PCDHA1: variants seen among roughly 807,000 people sequenced by gnomAD.
PCDHA1 encodes protocadherin alpha 1, also known as protocadherin alpha-1.
In PCDHA1, 42 loss-of-function variants were observed where a neutral mutation model predicts 61.3. The ratio of observed to expected loss-of-function variants is 0.69; its 90% confidence interval spans 0.54 to 0.89. PCDHA1 has a LOEUF of 0.89. Among genes scored for constraint, PCDHA1 ranks in the 40% least tolerant of loss-of-function variants. PCDHA1 has a pLI of 0.00. For synonymous variants in PCDHA1, 610 were observed against 553.8 expected (o/e 1.10, Z -1.43); for missense variants, 1,256 against 1,235.3 (o/e 1.02, Z -0.25).
intron 1 of PCDHA1, chr5:140,809,130 T>C (rs1562222868): frequency 6.2e-7 from 1 of 1,614,014 alleles, no homozygotes; most frequent in Non-Finnish European, 8.5e-7. Context: ...CACCGCCTAC[T>C]GGTACTGGTG....
chr5:140,890,737 T>C (rs926717911), intron 1 of PCDHA1, among the ~76,000 whole-genome samples: 1 of 152,240 alleles, frequency 6.6e-6, no homozygotes. Flanking sequence ...TTGACTTATA[T>C]ACTATTTCTG....
At chr5:140,804,837 C>T (rs113821357) in intron 1 of PCDHA1, 9,273 of 420,938 alleles carry the variant, frequency 0.022, 130 homozygotes, top group Non-Finnish European at 0.029. Context: ...TACTCATTGA[C>T]AGTGTGGGAG....
intron 1 of PCDHA1, chr5:140,928,983 G>T: frequency 6.2e-7 from 1 of 1,613,838 alleles, no homozygotes; most frequent in Non-Finnish European, 8.5e-7. Flanking sequence ...TATTTCTGGG[G>T]TGCTTACTTT....
chr5:140,965,748 C>T (rs1010303564), intron 1 of PCDHA1, among the ~76,000 whole-genome samples: 1 of 152,174 alleles, frequency 6.6e-6, no homozygotes, highest in Non-Finnish European at 1.5e-5. Flanking sequence ...TCCCCATTGT[C>T]GCCAAAATGG....
At chr5:140,990,668 G>A (rs1554251661) in intron 3 of PCDHA1, among the ~76,000 whole-genome samples, 1 of 152,178 alleles carries the variant, frequency 6.6e-6, no homozygotes, top group African/African-American at 2.4e-5. Flanking sequence ...TACATTAGAT[G>A]CACACCAAGC....
At chr5:140,857,727 A>C in intron 1 of PCDHA1, 1 of 1,597,294 alleles carries the variant, frequency 6.3e-7, no homozygotes, top group South Asian at 1.1e-5. Flanking sequence ...GAGAACGACA[A>C]CGCTCCCGCG....
chr5:140,841,273 T>G, intron 1 of PCDHA1: 30 of 1,504,326 alleles, frequency 2.0e-5, no homozygotes, highest in Middle Eastern at 1.8e-4. Context: ...GTACAGTCGT[T>G]CATCTTTATA....
At chr5:140,829,796 C>T (rs201762893) in intron 1 of PCDHA1, 5 of 1,613,774 alleles carry the variant, frequency 3.1e-6, no homozygotes, top group African/African-American at 2.7e-5. Flanking sequence ...GCTGGCGCCT[C>T]GGGTGGGTGG....
At chr5:140,829,175 G>C in intron 1 of PCDHA1, 1 of 1,614,160 alleles carries the variant, frequency 6.2e-7, no homozygotes, top group Non-Finnish European at 8.5e-7. Flanking sequence ...TGTACGTGAA[G>C]ACGCTCAATT....
At chr5:140,801,416 C>T in intron 1 of PCDHA1, 2 of 1,613,778 alleles carry the variant, frequency 1.2e-6, no homozygotes, top group Middle Eastern at 1.7e-4. Flanking sequence ...GACACGGGGA[C>T]CTTCTGGAGG....
intron 1 of PCDHA1, chr5:140,816,448 T>C (rs2126671757): frequency 6.6e-6 from 1 of 152,334 alleles, no homozygotes; most frequent in East Asian, 1.9e-4. Context: ...TTATTTTGAA[T>C]ACTTTGTCAA....
chr5:140,834,475 T>G, intron 1 of PCDHA1: 1 of 1,614,156 alleles, frequency 6.2e-7, no homozygotes, highest in Non-Finnish European at 8.5e-7. Context: ...AGAGGCCAGC[T>G]CCACTACTCG....
intron 1 of PCDHA1, chr5:140,848,872 T>C: frequency 6.3e-7 from 1 of 1,590,738 alleles, no homozygotes; most frequent in Non-Finnish European, 8.6e-7. Flanking sequence ...GTGAAGGACA[T>C]TAACGACAAC....
intron 1 of PCDHA1, chr5:140,821,982 C>T (rs1317338643): frequency 3.7e-6 from 6 of 1,614,026 alleles, no homozygotes; most frequent in African/African-American, 2.7e-5. Context: ...CGTCCAAGGG[C>T]CGCGGGGACC....
At chr5:140,999,713 G>A (rs533034174) in intron 3 of PCDHA1, among the ~76,000 whole-genome samples, 2 of 152,226 alleles carry the variant, frequency 1.3e-5, no homozygotes, top group South Asian at 4.2e-4. Flanking sequence ...AGCTAACTAC[G>A]GAGACCAGCC....
chr5:140,986,345 C>T (rs1442253492), intron 3 of PCDHA1, among the ~76,000 whole-genome samples: 2 of 152,172 alleles, frequency 1.3e-5, no homozygotes, highest in African/African-American at 4.8e-5. Flanking sequence ...GTTGCAGCCT[C>T]TTCTTCAGAT....
At position 140,795,860 on chromosome 5, in the gene PCDHA1, C is replaced by T; in HGVS notation, c.2394+7176C>T. 3 of 1,613,984 alleles carry T rather than the reference C, an allele frequency of 1.9e-6. No individual in the cohort carries two copies. Among genetic ancestry groups the T allele is most frequent in the Non-Finnish European group, 2.5e-6 (3 of 1,180,016 alleles). ...ACTAAGTTTACCATAGATCCCATCT[C>T]AGGGGAAATCAGAACTAAGGGAAAA... On this transcript the variant is annotated intron_variant, in intron 1 of 3. Coordinates refer to ENST00000504120, the MANE Select transcript of PCDHA1 (RefSeq NM_018900.4).
intron 1 of PCDHA1, among the ~76,000 whole-genome samples, chr5:140,826,648 C>T (rs1181948430): frequency 1.3e-5 from 2 of 152,006 alleles, no homozygotes; most frequent in Non-Finnish European, 1.5e-5. Context: ...ATGAAGGTAA[C>T]ATTTTTGCAA....
intron 1 of PCDHA1, among the ~76,000 whole-genome samples, chr5:140,951,684 A>G (rs1392497741): frequency 3.3e-5 from 5 of 152,144 alleles, no homozygotes; most frequent in African/African-American, 1.2e-4. Flanking sequence ...GGGGATTACA[A>G]TGTGACATGA....
Sources: allele counts gnomAD v4.1 joint callset (sites outside exome capture counted in the v4.1 genomes callset), GRCh38; gene constraint gnomAD v4.1.1; transcripts MANE v1.5; gene names NCBI Gene and HGNC (gene_info 2026-07-23, HGNC 2026-07-21).